Variants in ANXA4 observed in about 807,000 individuals in gnomAD.
The protein encoded by ANXA4 is 35-beta calcimedin.
In ANXA4, 39 loss-of-function variants were observed where a neutral mutation model predicts 49.8. The ratio of observed to expected loss-of-function variants is 0.78; its 90% CI spans 0.61 to 1.02. ANXA4 has a LOEUF of 1.02. Among genes scored for constraint, ANXA4 ranks in the 50% least tolerant of loss-of-function variants. ANXA4 has a pLI of 0.00. For missense variants in ANXA4, 360 were observed against 410.1 expected, an observed-to-expected ratio of 0.88 and a Z score of 1.05; for synonymous variants, 134 against 152.5, an observed-to-expected ratio of 0.88 and a Z score of 0.89.
chr2:69,823,697 T>C (rs952380499), intron 12 of ANXA4, among the ~76,000 whole-genome samples: 3 of 152,182 alleles, frequency 2.0e-5, no homozygotes, highest in Non-Finnish European at 4.4e-5. Context: ...TACCAAATTA[T>C]ATTGCATTCA....
chr2:69,657,452 G>C (rs1312123020), intron 2 of ANXA4, among the ~76,000 whole-genome samples: 1 of 148,536 alleles, frequency 6.7e-6, no homozygotes, highest in Non-Finnish European at 1.5e-5. Flanking sequence ...TTTAATGTAC[G>C]CAATGGAGAC....
chr2:69,797,159 C>T (rs529874690), intron 3 of ANXA4, among the ~76,000 whole-genome samples: 1 of 152,208 alleles, frequency 6.6e-6, no homozygotes, highest in East Asian at 1.9e-4. Context: ...CAGAGGAGTG[C>T]CGGCTGAAGA....
chr2:69,662,743 C>T (rs1293211561), intron 2 of ANXA4, among the ~76,000 whole-genome samples: 1 of 151,930 alleles, frequency 6.6e-6, no homozygotes, highest in Non-Finnish European at 1.5e-5. Flanking sequence ...CTTGTCAAGC[C>T]CCACCCACTT....
At chr2:69,649,826 T>A (rs1253176056) in intron 1 of ANXA4, among the ~76,000 whole-genome samples, 2 of 151,440 alleles carry the variant, frequency 1.3e-5, no homozygotes, top group South Asian at 2.1e-4. Flanking sequence ...TTCACCATGT[T>A]GCCGAGGCTG....
intron 1 of ANXA4, among the ~76,000 whole-genome samples, chr2:69,767,389 T>G (rs1671535563): frequency 6.6e-6 from 1 of 152,170 alleles, no homozygotes; most frequent in Non-Finnish European, 1.5e-5. Flanking sequence ...AGGCTGTACT[T>G]TGGGAACTTT....
At position 69,656,421 on chromosome 2, in the gene ANXA4, ATG is replaced by A. The variant is rs1216090482; in HGVS notation, n.766+3147_766+3148del. 2.8e-3 allele frequency among the ~76,000 whole-genome samples: 364 copies of A among 128,464 alleles called. 41 individuals carry two copies. Among genetic ancestry groups the A allele is most frequent in the African/African-American group, 9.6e-3 (326 of 34,040 alleles). The allele number at this position is 128,464 out of a possible 152,430, so 84.3% of individuals were successfully genotyped here. On this transcript the variant is annotated intron_variant and non_coding_transcript_variant, in intron 2 of 3. Coordinates refer to the ANXA4 transcript ENST00000418066. The stretch of plus-strand genomic sequence containing the variant: ...TATATGTATATATATGTATATATAT[ATG>A]TGTGTGTATATATATATATGATACT...
chr2:69,666,687 A>G (rs886757309), intron 2 of ANXA4, among the ~76,000 whole-genome samples: 5 of 152,224 alleles, frequency 3.3e-5, no homozygotes, highest in Admixed American at 2.6e-4. Flanking sequence ...ACATACTACA[A>G]CATGGATGAA....
At chr2:69,758,532 G>A (rs1174958891) in intron 1 of ANXA4, among the ~76,000 whole-genome samples, 1 of 152,170 alleles carries the variant, frequency 6.6e-6, no homozygotes, top group Non-Finnish European at 1.5e-5. Context: ...TGAGATGGGA[G>A]GATTGTTTGA....
At chr2:69,824,709 T>G (rs1674388868) in intron 12 of ANXA4, among the ~76,000 whole-genome samples, 1 of 152,044 alleles carries the variant, frequency 6.6e-6, no homozygotes, top group Non-Finnish European at 1.5e-5. Context: ...AAATAAATTA[T>G]TTTACCTGCA....
chr2:69,742,160 G>A lies in ANXA4; in HGVS notation c.-62G>A, dbSNP rs1559130924. 1 of 152,388 alleles carries A rather than the reference G, an allele frequency of 6.6e-6. No individual in the cohort carries two copies. Among genetic ancestry groups the A allele is most frequent in the Non-Finnish European group, 1.5e-5 (1 of 68,212 alleles). The allele number at this position is 152,388 out of a possible 1,614,324, so 9.4% of individuals were successfully genotyped here. ...TGACCTCCGCAGCCGCAGAGGAGGA[G>A]CGCAGCCCGGCCTCGGTACGAGGGG... On this transcript the variant is annotated 5_prime_UTR_variant, in exon 1 of 13. Coordinates refer to ENST00000394295, the MANE Select transcript of ANXA4 (RefSeq NM_001153.5).
intron 3 of ANXA4, among the ~76,000 whole-genome samples, chr2:69,793,035 C>T (rs769609950): frequency 2.0e-5 from 3 of 151,218 alleles, no homozygotes; most frequent in African/African-American, 4.8e-5. Context: ...GGGCGGATCA[C>T]GAGGTCAGGA....
chr2:69,748,422 C>T (rs192670080), intron 1 of ANXA4, among the ~76,000 whole-genome samples: 208 of 150,642 alleles, frequency 1.4e-3, no homozygotes, highest in Middle Eastern at 6.9e-3. Context: ...GGCACACATG[C>T]GGAAAATACA....
intron 1 of ANXA4, among the ~76,000 whole-genome samples, chr2:69,649,769 G>A (rs369728919): frequency 6.7e-5 from 10 of 150,316 alleles, no homozygotes; most frequent in Middle Eastern, 3.2e-3. Context: ...ACACCACCAC[G>A]TCTGGCTTTT....
At chr2:69,661,184 T>C (rs79418290) in intron 2 of ANXA4, among the ~76,000 whole-genome samples, 2,505 of 135,604 alleles carry the variant, frequency 0.018, 73 homozygotes, top group African/African-American at 0.067. Context: ...CAGTTAAGCA[T>C]ACTTGAAGCA....
intron 2 of ANXA4, among the ~76,000 whole-genome samples, chr2:69,655,035 A>G (rs886750267): frequency 3.3e-5 from 5 of 152,258 alleles, no homozygotes; most frequent in Non-Finnish European, 7.3e-5. Context: ...CTCAAGATGG[A>G]TTAAAGACTT....
intron 2 of ANXA4, among the ~76,000 whole-genome samples, chr2:69,695,196 G>A (rs548671772): frequency 8.6e-5 from 13 of 151,984 alleles, no homozygotes; most frequent in South Asian, 2.1e-4. Context: ...ATTTAATGCA[G>A]AAATCCAGGC....
chr2:69,643,972 C>A, upstream of ANXA4: 1 of 923,622 alleles, frequency 1.1e-6, no homozygotes, highest in Non-Finnish European at 1.3e-6. Context: ...TCACCCGAGC[C>A]GCAGGGCAAG....
intron 2 of ANXA4, among the ~76,000 whole-genome samples, chr2:69,787,367 T>C (rs1283812945): frequency 6.6e-6 from 1 of 152,174 alleles, no homozygotes; most frequent in Non-Finnish European, 1.5e-5. Context: ...TCTCTCTCTC[T>C]TTAAATTCTC....
intron 1 of ANXA4, among the ~76,000 whole-genome samples, chr2:69,649,781 AT>A (rs1192591683): frequency 6.7e-6 from 1 of 148,236 alleles, no homozygotes; most frequent in Non-Finnish European, 1.5e-5. Context: ...CTGGCTTTTT[AT>A]TTTTTTATTT....
Sources: gnomAD v4.1 joint callset for allele counts (sites outside exome capture counted in the v4.1 genomes callset) on GRCh38, gnomAD v4.1.1 for gene constraint, MANE v1.5 for transcripts, NCBI Gene and HGNC (gene_info 2026-07-23, HGNC 2026-07-21) for gene names.